The following ATAD5 variants were observed in gnomAD, a reference collection of about 807,000 sequenced individuals.
ATAD5 encodes the protein ATPase family AAA domain-containing protein 5.
ATAD5 carries 58 observed loss-of-function variants against 176.9 expected under a neutral mutation model. The observed-to-expected ratio is 0.33, with a 90% CI of 0.27 to 0.41. ATAD5 has a LOEUF of 0.41. ATAD5 is among the 10% of genes least tolerant of loss of function. The pLI, the probability that ATAD5 is intolerant of heterozygous loss-of-function variation, is 1.00. For synonymous variants in ATAD5, 640 were observed against 712.6 expected (o/e 0.90, Z 1.62); for missense variants, 1,789 against 2,094.1 (o/e 0.85, Z 2.84).
At chr17:30,848,120 G>A (rs1906647613) in intron 6 of ATAD5, among the ~76,000 whole-genome samples, 1 of 152,172 alleles carries the variant, frequency 6.6e-6, no homozygotes, top group Admixed American at 6.5e-5. Context: ...CATTAGGGAG[G>A]TACATGTTTA....
chr17:30,835,825 G>A lies in ATAD5; in HGVS notation c.1744G>A (p.Glu582Lys). The change falls in exon 2 of 23, where the codon GAA becomes AAA. Residue 582 changes from glutamate (E) to lysine (K), a missense_variant. Physicochemically the swap from Glu to Lys is moderately conservative, Grantham distance 56. This residue lies in a region of ATAD5 where 696 missense variants were observed against 712.5 expected (regional missense o/e 0.98). Coordinates refer to ENST00000321990, the MANE Select transcript of ATAD5 (RefSeq NM_024857.5). Reference protein sequence around the residue: ...IKLTQSKAESEASLLNVSTPK... With the variant: ...IKLTQSKAESKASLLNVSTPK... ...GCTTACACAGTCTAAAGCTGAATCT[G>A]AAGCCAGCTTGCTAAATGTTTCCAC... 6.2e-7 allele frequency: 1 copy of A among 1,613,370 alleles called. No homozygotes were observed. Among genetic ancestry groups the A allele is most frequent in the South Asian group, 1.1e-5 (1 of 90,848 alleles).
chr17:30,893,183 G>C (rs1017135682), intron 20 of ATAD5, 111 bp from the exon 21 acceptor site: 1 of 1,134,928 alleles, frequency 8.8e-7, no homozygotes, highest in African/African-American at 1.6e-5. Flanking sequence ...ATGAGGGGTA[G>C]TGACTCAGTA....
intron 10 of ATAD5, chr17:30,864,720 C>T (rs1474561097): frequency 1.3e-5 from 2 of 152,196 alleles, no homozygotes; most frequent in Non-Finnish European, 2.9e-5. Context: ...TTAGGTTCAG[C>T]TTATAAAGGA....
Position 30,894,999 on chromosome 17 carries a change from A to AT in ATAD5, c.*87dup. Reference sequence around the variant, plus strand: ...ATTATGTGGATCTTCATGGAAAAGTATATTTCTCGATGTACATTTTAAACA... The same window carrying AT: ...ATTATGTGGATCTTCATGGAAAAGTATTATTTCTCGATGTACATTTTAAACA... On this transcript the variant is annotated 3_prime_UTR_variant, in exon 23 of 23. Transcript: ENST00000321990. 2.4e-6 allele frequency: 2 copies of AT among 823,288 alleles called. No homozygotes were observed. Among genetic ancestry groups the AT allele is most frequent in the South Asian group, 6.5e-5 (2 of 30,784 alleles). 51.0% of individuals were successfully genotyped at this position (823,288 alleles called of 1,614,324 possible).
intron 14 of ATAD5, among the ~76,000 whole-genome samples, chr17:30,873,700 T>G (rs1908478059): frequency 6.6e-6 from 1 of 151,552 alleles, no homozygotes. Flanking sequence ...TTTTTTTTTT[T>G]TTTTTTGAAA....
intron 14 of ATAD5, among the ~76,000 whole-genome samples, chr17:30,870,068 T>G (rs1014046276): frequency 6.6e-6 from 1 of 152,086 alleles, no homozygotes; most frequent in African/African-American, 2.4e-5. Context: ...GAGCTGTGAT[T>G]GGGCCACTGC....
intron 6 of ATAD5, 76 bp downstream of exon 6, chr17:30,844,992 G>A (rs1229926648): frequency 1.6e-6 from 2 of 1,242,260 alleles, no homozygotes; most frequent in African/African-American, 1.6e-5. Context: ...ACTTTGATGA[G>A]AAAGCATGTG....
intron 4 of ATAD5, among the ~76,000 whole-genome samples, chr17:30,842,301 TAAATA>T (rs1415576404): frequency 4.0e-5 from 6 of 151,810 alleles, no homozygotes; most frequent in Middle Eastern, 3.4e-3. Context: ...AAATAAATAA[TAAATA>T]AAATAAAATA....
chr17:30,895,237 A>C lies in ATAD5; in HGVS notation c.*324A>C, dbSNP rs574765678. On this transcript the variant is annotated 3_prime_UTR_variant, in exon 23 of 23. Transcript: ENST00000321990. Reference sequence around the variant, plus strand: ...AGTGTTTATATTATATATTAGCTTAATATTCAGATACATTATCTTGGCTGC... The same window carrying C: ...AGTGTTTATATTATATATTAGCTTACTATTCAGATACATTATCTTGGCTGC... 2 of 173,470 alleles carry C rather than the reference A, an allele frequency of 1.2e-5. No homozygotes were observed. The highest frequency in any genetic ancestry group is 3.1e-4 in the East Asian group (2 of 6,480). 10.7% of individuals were successfully genotyped at this position (173,470 alleles called of 1,614,324 possible).
At chr17:30,888,851 A>G (rs925616866) in intron 19 of ATAD5, among the ~76,000 whole-genome samples, 5 of 152,054 alleles carry the variant, frequency 3.3e-5, no homozygotes, top group Non-Finnish European at 7.4e-5. Context: ...TTAGATCATG[A>G]GGTCAGGAGA....
In ATAD5 at chr17:30,869,609, C is replaced by T. The variant is rs762492416; in HGVS notation, c.3570C>T (p.Pro1190=). The change falls in exon 14 of 23, where the codon CCC becomes CCT. Residue 1190 remains proline, a synonymous_variant. Coordinates refer to ENST00000321990, the MANE Select transcript of ATAD5 (RefSeq NM_024857.5). ...VDKQGVNSQK[P]CFFNSYYIGK... ...AACAAGGTGTAAACTCACAAAAACC[C>T]TGTTTTTTTAATAGCTACTACATAG... The T allele has an allele frequency of 6.2e-7, 1 of 1,601,806 alleles. No individual in the cohort carries two copies. The highest frequency in any genetic ancestry group is 1.1e-5 in the South Asian group (1 of 87,716).
intron 17 of ATAD5, among the ~76,000 whole-genome samples, chr17:30,878,735 T>TTG (rs1908831531): frequency 1.5e-5 from 2 of 129,472 alleles, no homozygotes; most frequent in African/African-American, 3.0e-5. Context: ...TTTTTTTTTT[T>TTG]TTTTTTTTTT....
At chr17:30,845,855 C>T (rs184993006) in intron 6 of ATAD5, among the ~76,000 whole-genome samples, 26 of 151,970 alleles carry the variant, frequency 1.7e-4, no homozygotes, top group Middle Eastern at 3.4e-3. Context: ...AAAAATCCCT[C>T]GATGATTAAT....
At chr17:30,832,471 G>C (rs936074801) in intron 1 of ATAD5, 58 bp downstream of exon 1, 2 of 1,421,240 alleles carry the variant, frequency 1.4e-6, no homozygotes, top group African/African-American at 2.9e-5. Context: ...GGGATTGGAA[G>C]GTGGGTCTTG....
intron 14 of ATAD5, among the ~76,000 whole-genome samples, chr17:30,873,177 C>A (rs1216735410): frequency 6.6e-6 from 1 of 152,096 alleles, no homozygotes; most frequent in Non-Finnish European, 1.5e-5. Flanking sequence ...TAGCAAGGAA[C>A]TATTTTAATT....
At chr17:30,839,874 T>C (rs1054394898) in intron 3 of ATAD5, among the ~76,000 whole-genome samples, 2 of 150,440 alleles carry the variant, frequency 1.3e-5, no homozygotes, top group Admixed American at 6.6e-5. Context: ...CATGAGCCAC[T>C]GTGTCCAGAC....
rs1032852173 is a variant in ATAD5, at chr17:30,831,970, G to A, written c.-378G>A. On this transcript the variant is annotated 5_prime_UTR_variant, in exon 1 of 23. Coordinates refer to ENST00000321990, the MANE Select transcript of ATAD5 (RefSeq NM_024857.5). ...CAGCCGTAAACTCCGCCCCTTGCGC[G>A]CAGGACGGCGCGAAAACCCAATTGA... The A allele has an allele frequency of 3.3e-6, 1 of 301,428 alleles. No homozygotes were observed. The highest frequency in any genetic ancestry group is 6.1e-6 in the Non-Finnish European group (1 of 164,634). The allele number at this position is 301,428 out of a possible 1,614,324, so 18.7% of individuals were successfully genotyped here.
intron 9 of ATAD5, among the ~76,000 whole-genome samples, chr17:30,859,551 G>C (rs1231313158): frequency 6.6e-6 from 1 of 151,662 alleles, no homozygotes; most frequent in Admixed American, 6.6e-5. Flanking sequence ...AGTAGAGATG[G>C]GGTTTCACCA....
At chr17:30,877,928 C>A in intron 16 of ATAD5, 75 bp from the exon 17 acceptor site, 2 of 1,062,490 alleles carry the variant, frequency 1.9e-6, no homozygotes, top group Non-Finnish European at 2.7e-6. Context: ...CTCTAACAGA[C>A]ATAGAATATT....
Sources: allele counts gnomAD v4.1 joint callset (sites outside exome capture counted in the v4.1 genomes callset), GRCh38; gene constraint gnomAD v4.1.1; regional missense constraint gnomAD v4.1.1; transcripts MANE v1.5; gene names NCBI Gene and HGNC (gene_info 2026-07-23, HGNC 2026-07-21).